The following TNS1 variants were observed in gnomAD, a reference collection of about 807,000 sequenced individuals.
TNS1 encodes tensin-1.
In TNS1, 62 loss-of-function variants were observed where a neutral mutation model predicts 168.6. The observed-to-expected ratio is 0.37, with a 90% CI of 0.30 to 0.45. The LOEUF is 0.45. Among genes scored for constraint, TNS1 ranks in the 20% least tolerant of loss-of-function variants. The pLI is 1.00. For missense variants in TNS1, 2,240 were observed against 2,339.4 expected (o/e 0.96, Z 0.88); for synonymous variants, 934 against 933.2 (o/e 1.00, Z -0.02).
upstream of TNS1, among the ~76,000 whole-genome samples, chr2:218,014,159 T>C (rs1191909954): frequency 6.6e-6 from 1 of 152,186 alleles, no homozygotes; most frequent in Non-Finnish European, 1.5e-5. Flanking sequence ...GCAGCTCCTG[T>C]TAGGGAGAAT....
chr2:217,882,257 T>C (rs1242464690), intron 17 of TNS1, 89 bp downstream of exon 17: 41 of 913,528 alleles, frequency 4.5e-5, no homozygotes, highest in Non-Finnish European at 7.1e-5. Flanking sequence ...ACTTGATCAC[T>C]GTGGAACAGA....
rs1347457166 is a variant in TNS1 at position 217,841,225 on chromosome 2, T to TG, written c.3008-5015dup. 27 of 983,906 alleles carry TG rather than the reference T, an allele frequency of 2.7e-5. No homozygotes were observed. In the Admixed American group the frequency reaches 3.7e-4, roughly 14 times the overall value. 60.9% of individuals were successfully genotyped at this position (983,906 alleles called of 1,614,324 possible). On this transcript the variant is annotated intron_variant, in intron 19 of 32. Coordinates refer to ENST00000682258, the MANE Select transcript of TNS1 (RefSeq NM_001387777.1). ...AGAGAGGGAGGAAGATTGGAGCCGG[T>TG]GGAGAGGAGGGGGCGGGAAGCTGCC...
chr2:217,976,984 G>A (rs1957912731), intron 3 of TNS1, among the ~76,000 whole-genome samples: 1 of 152,172 alleles, frequency 6.6e-6, no homozygotes, highest in Admixed American at 6.5e-5. Context: ...ACTCAACGTG[G>A]GGCGCCTCAG....
Position 217,850,345 on chromosome 2 carries a change from G to C in TNS1, c.1430-1258C>G, listed in dbSNP as rs1406774971. 3.0e-6 allele frequency: 3 copies of C among 985,202 alleles called. No individual in the cohort carries two copies. In the African/African-American group the frequency reaches 5.2e-5, roughly 17 times the overall value. The allele number at this position is 985,202 out of a possible 1,614,324, so 61.0% of individuals were successfully genotyped here. A position where few individuals can be genotyped will look rare whatever the true frequency, so the allele number is the denominator to read the frequency against. ...GGGGTTCAGGGACTAGGGCAGGAGGGGAAGCGTCTTAGGGATCGTGAACAC... is the reference window on the plus strand; with the variant it reads ...GGGGTTCAGGGACTAGGGCAGGAGGCGAAGCGTCTTAGGGATCGTGAACAC... On this transcript the variant is annotated intron_variant, in intron 18 of 32. Transcript: ENST00000682258.
chr2:217,962,680 G>A (rs367768562), intron 3 of TNS1, among the ~76,000 whole-genome samples: 16 of 152,270 alleles, frequency 1.1e-4, no homozygotes, highest in Non-Finnish European at 1.6e-4. Flanking sequence ...AAGAATGATG[G>A]AAAGAGAAAA....
intron 1 of TNS1, among the ~76,000 whole-genome samples, chr2:218,016,823 A>C (rs1238199736): frequency 6.6e-6 from 1 of 152,180 alleles, no homozygotes; most frequent in Non-Finnish European, 1.5e-5. Context: ...AAAACAAGCA[A>C]AGCAGCAGGG....
intron 7 of TNS1, 44 bp downstream of exon 7, chr2:217,900,419 C>A: frequency 6.5e-7 from 1 of 1,531,024 alleles, no homozygotes; most frequent in South Asian, 1.2e-5. Flanking sequence ...ACAGTGACCC[C>A]CCTGCTTGCA....
chr2:217,932,181 G>C (rs1040443794), intron 3 of TNS1, among the ~76,000 whole-genome samples: 1 of 152,118 alleles, frequency 6.6e-6, no homozygotes, highest in East Asian at 1.9e-4. Context: ...TCCTGTTTGC[G>C]GGTCCTCATT....
At chr2:217,859,625 T>C (rs1417219648) in intron 18 of TNS1, 3 of 1,535,868 alleles carry the variant, frequency 2.0e-6, no homozygotes, top group Non-Finnish European at 1.7e-6. Flanking sequence ...AGTGTGTGTC[T>C]GGCCAGGTAT....
chr2:217,817,663 G>C (rs758079978), intron 24 of TNS1, 27 bp downstream of exon 24: 1 of 1,540,102 alleles, frequency 6.5e-7, no homozygotes, highest in Admixed American at 1.7e-5. Flanking sequence ...AGCAGGAGAG[G>C]TGAAAATGGA....
chr2:218,015,724 G>A (rs1206059739), intron 1 of TNS1, among the ~76,000 whole-genome samples: 1 of 152,062 alleles, frequency 6.6e-6, no homozygotes, highest in Admixed American at 6.5e-5. Context: ...TCACCACCCA[G>A]CAGCTGACAT....
intron 9 of TNS1, among the ~76,000 whole-genome samples, chr2:217,894,409 C>A (rs1030024786): frequency 1.3e-5 from 2 of 152,252 alleles, no homozygotes; most frequent in African/African-American, 2.4e-5. Flanking sequence ...GTAATCCCAG[C>A]ACTTTGGGAG....
intron 3 of TNS1, among the ~76,000 whole-genome samples, chr2:217,959,494 TC>T (rs2125997943): frequency 1.3e-5 from 2 of 150,984 alleles, no homozygotes; most frequent in South Asian, 4.2e-4. Flanking sequence ...TAGCATGGAA[TC>T]TTATCATGGA....
At chr2:217,808,516 C>T in intron 31 of TNS1, 87 bp downstream of exon 31, 1 of 1,270,468 alleles carries the variant, frequency 7.9e-7, no homozygotes, top group Non-Finnish European at 1.1e-6. Flanking sequence ...TGCACACACA[C>T]ACACACACAC....
rs746952923 is a variant in TNS1 at position 217,880,941 on chromosome 2, G to A, written c.1386C>T (p.Asp462=). ...YNTSDPLIRW[D]SYDNFSGHRD... is the part of the protein sequence containing the mutation. ...GATGCCCACTGAAGTTGTCGTAGGA[G>A]TCCCAGCGGATGAGGGGGTCGGAGG... Residue 462 remains aspartate, a synonymous_variant, in exon 18 of 33, where the codon GAC becomes GAT. Coordinates refer to ENST00000682258, the MANE Select transcript of TNS1 (RefSeq NM_001387777.1). This position sits in a 1 kb window ranked among gnomAD's most constrained non-coding sequence, Gnocchi z 4.2. The A allele has an allele frequency of 2.5e-6, 4 of 1,614,108 alleles. No individual in the cohort carries two copies. Among genetic ancestry groups the A allele is most frequent in the Non-Finnish European group, 3.4e-6 (4 of 1,180,032 alleles).
At chr2:217,870,484 A>G (rs1949677989) in intron 18 of TNS1, among the ~76,000 whole-genome samples, 2 of 152,254 alleles carry the variant, frequency 1.3e-5, no homozygotes, top group Non-Finnish European at 2.9e-5. Flanking sequence ...GGATATAATT[A>G]GAGTCGGTAT....
In TNS1 at chr2:217,835,137, G is replaced by A. The variant is rs138930905; in HGVS notation, c.3234C>T (p.Phe1078=). ...EPHLHSYKEA[F]EEMEGTSPSS... ...TCGGGGAGGTTCCCTCCATCTCCTCGAAGGCCTCCTTGTAGCTGTGCAAAT... is the reference window on the plus strand; with the variant it reads ...TCGGGGAGGTTCCCTCCATCTCCTCAAAGGCCTCCTTGTAGCTGTGCAAAT... Residue 1078 remains phenylalanine (F), a synonymous_variant, in exon 21 of 33, where the codon TTC becomes TTT. Transcript: ENST00000682258. The A allele has an allele frequency of 1.4e-4, 229 of 1,591,250 alleles. No individual in the cohort carries two copies. Among genetic ancestry groups the A allele is most frequent in the Non-Finnish European group, 1.8e-4 (212 of 1,172,028 alleles).
At chr2:217,842,948 T>A (rs988606635) in intron 19 of TNS1, among the ~76,000 whole-genome samples, 11 of 152,192 alleles carry the variant, frequency 7.2e-5, no homozygotes, top group Non-Finnish European at 1.5e-4. Context: ...ACGTATCACC[T>A]ATCTGACATA....
At chr2:217,867,739 C>T (rs910216854) in intron 18 of TNS1, among the ~76,000 whole-genome samples, 1 of 152,350 alleles carries the variant, frequency 6.6e-6, no homozygotes, top group Admixed American at 6.5e-5. Flanking sequence ...GGCCTTTGCA[C>T]CTGCTGTTAC....
Sources: allele counts gnomAD v4.1 joint callset (sites outside exome capture counted in the v4.1 genomes callset), GRCh38; gene constraint gnomAD v4.1.1; non-coding constraint Gnocchi (gnomAD v3.1); transcripts MANE v1.5; gene names NCBI Gene and HGNC (gene_info 2026-07-23, HGNC 2026-07-21).